Variants in RPS6KC1 observed in about 807,000 individuals in gnomAD.
RPS6KC1 encodes inactive ribosomal protein S6 kinase delta-1.
A neutral mutation model predicts 103.8 loss-of-function variants in RPS6KC1; 54 were observed. That is an observed-to-expected ratio of 0.52 (90% CI 0.42 to 0.65). The LOEUF (loss-of-function observed/expected upper bound fraction) is 0.65. Among genes scored for constraint, RPS6KC1 ranks in the 30% least tolerant of loss-of-function variants. The pLI is 0.00. For synonymous variants in RPS6KC1, 439 were observed against 438.7 expected, an observed-to-expected ratio of 1.00 and a Z score of -0.01; for missense variants, 1,151 against 1,253.8, an observed-to-expected ratio of 0.92 and a Z score of 1.24.
At chr1:213,200,497 A>C (rs1332237415) in intron 8 of RPS6KC1, among the ~76,000 whole-genome samples, 1 of 152,234 alleles carries the variant, frequency 6.6e-6, no homozygotes, top group Non-Finnish European at 1.5e-5. Context: ...AGATGAATTA[A>C]AGACTAAAAT....
intron 8 of RPS6KC1, among the ~76,000 whole-genome samples, chr1:213,209,695 CAAAAAAAA>C (rs60840755): frequency 1.1e-4 from 6 of 54,130 alleles, no homozygotes; most frequent in Admixed American, 3.3e-4. Context: ...AACTCCGTCT[CAAAAAAAA>C]AAAAAAAAAA....
chr1:213,777,154 C>T, the RPS6KC1 span, among the ~76,000 whole-genome samples: 1 of 152,158 alleles, frequency 6.6e-6, no homozygotes, highest in African/African-American at 2.4e-5. Flanking sequence ...TGGAGTAGCA[C>T]TTGTAATTTC....
the RPS6KC1 span, among the ~76,000 whole-genome samples, chr1:213,369,961 G>C: frequency 2.6e-5 from 4 of 152,182 alleles, no homozygotes; most frequent in Non-Finnish European, 5.9e-5. Flanking sequence ...CTCTAGGCCA[G>C]CGTGTAAGAT....
At chr1:213,258,666 G>C (rs1349203493) in intron 12 of RPS6KC1, among the ~76,000 whole-genome samples, 1 of 152,176 alleles carries the variant, frequency 6.6e-6, no homozygotes, top group Non-Finnish European at 1.5e-5. Flanking sequence ...AATGGTCAGT[G>C]AGAATTTTGA....
the RPS6KC1 span, among the ~76,000 whole-genome samples, chr1:213,292,681 T>C: frequency 4.6e-5 from 7 of 152,192 alleles, no homozygotes; most frequent in African/African-American, 1.4e-4. Flanking sequence ...TCCTTACCAC[T>C]TATGATAGAC....
Position 213,069,050 on chromosome 1 carries a change from C to T in RPS6KC1, c.106-1956C>T, listed in dbSNP as rs138917630. ...TCTAGCCTAGGTGACAGAGTGAGAC[C>T]CTGTCTCTTTAATACAAAAATTTTT... is the stretch of plus-strand genomic sequence containing the variant. On this transcript the variant is annotated intron_variant, in intron 1 of 14. Coordinates refer to ENST00000366960, the MANE Select transcript of RPS6KC1 (RefSeq NM_012424.6). Among the ~76,000 whole-genome samples the T allele has an allele frequency of 4.8e-3, 728 of 151,744 alleles. 5 individuals are homozygous for T. The highest frequency in any genetic ancestry group is 0.014 in the African/African-American group (594 of 41,364).
the RPS6KC1 span, among the ~76,000 whole-genome samples, chr1:213,457,864 AC>A: frequency 6.6e-6 from 1 of 152,222 alleles, no homozygotes; most frequent in Non-Finnish European, 1.5e-5. Context: ...ATAGGAAAAT[AC>A]TTTTAAGATT....
At chr1:213,138,029 A>G (rs1245383776) in intron 6 of RPS6KC1, among the ~76,000 whole-genome samples, 1 of 150,956 alleles carries the variant, frequency 6.6e-6, no homozygotes, top group Non-Finnish European at 1.5e-5. Flanking sequence ...TGTGCTCTTG[A>G]TTTTTTGTTT....
chr1:213,226,281 A>G (rs1181947069), intron 8 of RPS6KC1, among the ~76,000 whole-genome samples: 2 of 152,122 alleles, frequency 1.3e-5, no homozygotes, highest in African/African-American at 2.4e-5. Context: ...GGAACACTAA[A>G]TGTCTTCACA....
the RPS6KC1 span, among the ~76,000 whole-genome samples, chr1:213,784,013 A>C: frequency 1.3e-5 from 2 of 152,120 alleles, no homozygotes; most frequent in Non-Finnish European, 2.9e-5. Flanking sequence ...AAGCCACAAC[A>C]AGGCTTTGCT....
rs57750357 is a variant in RPS6KC1 at position 213,078,728 on chromosome 1, G to A, written c.262+912G>A. On this transcript the variant is annotated intron_variant, in intron 3 of 14. Transcript: ENST00000366960. ...AGAACATTTTATCCTATTACTTTTT[G>A]CAACCAATTTCTGCATATGTAATTG... Among the ~76,000 whole-genome samples the A allele has an allele frequency of 4.6e-3, 697 of 152,226 alleles. 10 individuals carry two copies. The highest frequency in any genetic ancestry group is 0.016 in the African/African-American group (660 of 41,532).
the RPS6KC1 span, among the ~76,000 whole-genome samples, chr1:213,857,473 C>T: frequency 6.6e-6 from 1 of 152,196 alleles, no homozygotes; most frequent in East Asian, 1.9e-4. Context: ...CTTCTTTTCA[C>T]ACTGCAACCA....
the RPS6KC1 span, among the ~76,000 whole-genome samples, chr1:213,565,547 A>G: frequency 6.6e-6 from 1 of 152,218 alleles, no homozygotes; most frequent in Non-Finnish European, 1.5e-5. Context: ...ACTCTAGCGC[A>G]ATAAAACTAA....
chr1:213,067,308 T>C (rs979584697), intron 1 of RPS6KC1, among the ~76,000 whole-genome samples: 7 of 152,186 alleles, frequency 4.6e-5, no homozygotes, highest in African/African-American at 1.7e-4. Context: ...TTCACAATAT[T>C]AATACTTTTT....
the RPS6KC1 span, among the ~76,000 whole-genome samples, chr1:213,813,340 G>A: frequency 2.6e-5 from 4 of 151,862 alleles, no homozygotes; most frequent in African/African-American, 9.7e-5. Flanking sequence ...CCCTTGTCTT[G>A]CTGCCCACCA....
chr1:213,193,377 G>T (rs1246437111), intron 8 of RPS6KC1, among the ~76,000 whole-genome samples: 7 of 152,136 alleles, frequency 4.6e-5, no homozygotes, highest in Non-Finnish European at 1.0e-4. Context: ...TCCTGCCTCA[G>T]TCTCATGATT....
At chr1:213,406,583 A>G in the RPS6KC1 span, among the ~76,000 whole-genome samples, 1 of 152,144 alleles carries the variant, frequency 6.6e-6, no homozygotes, top group Non-Finnish European at 1.5e-5. Context: ...AAGAGAGGGC[A>G]CTGTTGGATT....
the RPS6KC1 span, among the ~76,000 whole-genome samples, chr1:213,737,021 C>T: frequency 1.3e-5 from 2 of 152,208 alleles, no homozygotes; most frequent in Non-Finnish European, 2.9e-5. Context: ...TCCCGTGTTC[C>T]ACCACAGAGC....
the RPS6KC1 span, among the ~76,000 whole-genome samples, chr1:213,716,888 T>C: frequency 6.6e-6 from 1 of 152,236 alleles, no homozygotes; most frequent in African/African-American, 2.4e-5. Context: ...AGTTTGTTTA[T>C]GTTTATTTAA....
Sources: allele counts gnomAD v4.1 joint callset (sites outside exome capture counted in the v4.1 genomes callset), GRCh38; gene constraint gnomAD v4.1.1; transcripts MANE v1.5; gene names NCBI Gene and HGNC (gene_info 2026-07-23, HGNC 2026-07-21).